PUDP: variants seen among roughly 807,000 people sequenced by gnomAD.
The protein encoded by PUDP is pseudouridine-5'-phosphatase.
A neutral mutation model predicts 9.4 loss-of-function variants in PUDP; 8 were observed. The ratio of observed to expected loss-of-function variants is 0.85; its 90% CI spans 0.50 to 1.53. The LOEUF (loss-of-function observed/expected upper bound fraction) is 1.53, where lower values mean the gene tolerates loss of function less well. Ranked by LOEUF, PUDP falls within the 40% of genes most tolerant of loss-of-function variation. PUDP has a pLI of 0.00. For missense variants in PUDP, 188 were observed against 189.7 expected (o/e 0.99, Z 0.05); for synonymous variants, 99 against 80.7 (o/e 1.23, Z -1.22).
chrX:6,967,444 C>T (rs1928804167), intron 3 of PUDP, among the ~76,000 whole-genome samples: 1 of 112,060 alleles, frequency 8.9e-6, no homozygotes, highest in African/African-American at 3.2e-5. Flanking sequence ...GAGAATACAG[C>T]TCTGCCATCC....
intron 3 of PUDP, among the ~76,000 whole-genome samples, chrX:6,759,533 C>T (rs186827251): frequency 5.4e-4 from 60 of 111,390 alleles, no homozygotes; most frequent in Admixed American, 1.9e-3. Context: ...GCACCTTGAC[C>T]TCTACCTACC....
chrX:6,932,848 C>G (rs1464968122), intron 3 of PUDP, among the ~76,000 whole-genome samples: 7 of 111,201 alleles, frequency 6.3e-5, no homozygotes, highest in African/African-American at 2.3e-4. Context: ...GTCCTACGCC[C>G]ACGGAGTCTC....
intron 1 of PUDP, among the ~76,000 whole-genome samples, chrX:7,035,017 A>G (rs1006286105): frequency 8.0e-5 from 9 of 112,050 alleles, no homozygotes; most frequent in Non-Finnish European, 1.3e-4. Flanking sequence ...GATTATGTGT[A>G]TGGGCAAAGT....
At position 7,057,644 on chromosome X, in the gene PUDP, G is replaced by A. The variant is rs188763790; in HGVS notation, c.511-7172C>T. 2.8e-4 allele frequency: 315 copies of A among 1,125,462 alleles called. No individual in the cohort carries two copies. In the African/African-American group the frequency reaches 4.8e-3, roughly 17 times the overall value. The allele number at this position is 1,125,462 out of a possible 1,213,427, so 92.8% of individuals were successfully genotyped here. Reference sequence around the variant, plus strand: ...GTGACAAGTTGGGTTTGAGGCCATCGTGGGACACCCAAGTAGAAGGCTCGG... The same window carrying A: ...GTGACAAGTTGGGTTTGAGGCCATCATGGGACACCCAAGTAGAAGGCTCGG... On this transcript the variant is annotated intron_variant, in intron 3 of 3. Transcript: ENST00000381077.
intron 3 of PUDP, among the ~76,000 whole-genome samples, chrX:6,926,043 A>T (rs1928097088): frequency 9.0e-6 from 1 of 111,339 alleles, no homozygotes; most frequent in Non-Finnish European, 1.9e-5. Flanking sequence ...AAGGGAGAGG[A>T]TATAAGGTGT....
At chrX:6,762,531 A>G (rs1925239719) in intron 3 of PUDP, among the ~76,000 whole-genome samples, 1 of 112,546 alleles carries the variant, frequency 8.9e-6, no homozygotes, top group Non-Finnish European at 1.9e-5. Context: ...TGGAGAAAAG[A>G]GAAAGAATGA....
intron 3 of PUDP, among the ~76,000 whole-genome samples, chrX:6,818,075 A>G (rs908357892): frequency 9.0e-6 from 1 of 111,663 alleles, no homozygotes; most frequent in African/African-American, 3.3e-5. Flanking sequence ...CATATTCTAT[A>G]TGAAGTCTCA....
chrX:6,749,819 C>G (rs927083877), intron 3 of PUDP, among the ~76,000 whole-genome samples: 1 of 111,836 alleles, frequency 8.9e-6, no homozygotes, highest in Non-Finnish European at 1.9e-5. Flanking sequence ...TTGGTGTCCT[C>G]TCATGCGACC....
At chrX:6,816,225 C>T (rs1347859661) in intron 3 of PUDP, among the ~76,000 whole-genome samples, 3 of 105,498 alleles carry the variant, frequency 2.8e-5, no homozygotes, top group African/African-American at 1.0e-4. Flanking sequence ...CATATATACA[C>T]TATATGCATA....
At position 7,095,576 on chromosome X, in the gene PUDP, C is replaced by T. The variant is rs777136010; in HGVS notation, c.280+10044G>A. On this transcript the variant is annotated intron_variant, in intron 2 of 3. Coordinates refer to ENST00000381077, the MANE Select transcript of PUDP (RefSeq NM_012080.5). ...AGATCTAACTGGCATAGCCCCAGCA[C>T]CGAGCTGTGAAATCTGGCTGAGGAT... Among the ~76,000 whole-genome samples, 5 of 112,012 alleles carry T rather than the reference C, an allele frequency of 4.5e-5. No homozygotes were observed. In the South Asian group the frequency reaches 1.5e-3, roughly 33 times the overall value.
At chrX:6,854,858 T>C (rs1926882197) in intron 3 of PUDP, among the ~76,000 whole-genome samples, 2 of 109,731 alleles carry the variant, frequency 1.8e-5, no homozygotes, top group Admixed American at 1.9e-4. Flanking sequence ...CACTGATAAG[T>C]GGATCCTCAA....
intron 3 of PUDP, among the ~76,000 whole-genome samples, chrX:6,767,589 G>A (rs374877405): frequency 7.1e-5 from 8 of 112,404 alleles, no homozygotes; most frequent in East Asian, 2.8e-4. Context: ...ATATAGCAGC[G>A]CAGTCATTCC....
At chrX:7,087,898 T>C (rs1931310570) in intron 2 of PUDP, among the ~76,000 whole-genome samples, 1 of 111,529 alleles carries the variant, frequency 9.0e-6, no homozygotes, top group Non-Finnish European at 1.9e-5. Flanking sequence ...CCGGGGTCAC[T>C]GAAATGTGAT....
intron 3 of PUDP, among the ~76,000 whole-genome samples, chrX:6,892,643 G>T (rs1475423110): frequency 9.0e-6 from 1 of 111,473 alleles, no homozygotes; most frequent in African/African-American, 3.3e-5. Flanking sequence ...ATTTGAATGG[G>T]GACACAGGCA....
intron 1 of PUDP, among the ~76,000 whole-genome samples, chrX:7,128,759 C>T (rs1932545752): frequency 2.7e-5 from 3 of 111,897 alleles, no homozygotes; most frequent in Admixed American, 1.9e-4. Flanking sequence ...TTCTAACTAT[C>T]CAAGTACTGC....
chrX:7,048,689 A>C (rs1184393632), downstream of PUDP, among the ~76,000 whole-genome samples: 1 of 112,123 alleles, frequency 8.9e-6, no homozygotes, highest in Non-Finnish European at 1.9e-5. Flanking sequence ...CACCAACATA[A>C]ATACTTGGGA....
At chrX:6,861,827 G>A (rs1170593043) in intron 3 of PUDP, among the ~76,000 whole-genome samples, 1 of 111,376 alleles carries the variant, frequency 9.0e-6, no homozygotes, top group Non-Finnish European at 1.9e-5. Flanking sequence ...TATGGTCTTG[G>A]AAACACACCC....
At position 6,992,518 on chromosome X, in the gene PUDP, C is replaced by T. The variant is rs781045835; in HGVS notation, c.205-14175G>A. Among the ~76,000 whole-genome samples, 7 of 108,911 alleles carry T rather than the reference C, an allele frequency of 6.4e-5. No homozygotes were observed. In the South Asian group the frequency reaches 2.0e-3, roughly 32 times the overall value. 94.6% of individuals were successfully genotyped at this position (108,911 alleles called of 115,157 possible). On this transcript the variant is annotated intron_variant and NMD_transcript_variant, in intron 1 of 3. Transcript: ENST00000655425. ...CCATCTCCTGACCTCATGATCCACC[C>T]GCCTCGGCCTCCCAAAGTGCTGGGA...
rs1454878572 is a variant in PUDP at position 7,105,876 on chromosome X, T to C, written c.62-38A>G. ...AAAAAGAGATTTTTAGAGTGCATAC[T>C]GTATGAACAGTAAGTTTGTATCAGG... is the stretch of plus-strand genomic sequence containing the variant. On this transcript the variant is annotated intron_variant, in intron 1 of 3. Coordinates refer to ENST00000381077, the MANE Select transcript of PUDP (RefSeq NM_012080.5). 8 of 948,246 alleles carry C rather than the reference T, an allele frequency of 8.4e-6. No homozygotes were observed. The Admixed American group carries it at 1.1e-4, about 13-fold the overall frequency. 78.1% of individuals were successfully genotyped at this position (948,246 alleles called of 1,213,427 possible). A position where few individuals can be genotyped will look rare whatever the true frequency, so the allele number is the denominator to read the frequency against.
Sources: gnomAD v4.1 joint callset for allele counts (sites outside exome capture counted in the v4.1 genomes callset) on GRCh38, gnomAD v4.1.1 for gene constraint, MANE v1.5 for transcripts, NCBI Gene and HGNC (gene_info 2026-07-23, HGNC 2026-07-21) for gene names.